Variants in PRKAR1B observed in about 807,000 individuals in gnomAD.
PRKAR1B encodes cAMP-dependent protein kinase type I-beta regulatory subunit.
Under a neutral mutation model 46.5 loss-of-function variants are expected in PRKAR1B, and 22 were observed. The observed-to-expected ratio is 0.47, with a 90% CI of 0.34 to 0.68. PRKAR1B has a LOEUF of 0.68. Ranked by LOEUF, PRKAR1B falls within the 30% of genes least tolerant of loss-of-function variation. The pLI is 0.01. For synonymous variants in PRKAR1B, 259 were observed against 217.7 expected (o/e 1.19, Z -1.67); for missense variants, 445 against 535.6 (o/e 0.83, Z 1.67).
At chr7:557,206 C>G (rs898074042) in intron 9 of PRKAR1B, among the ~76,000 whole-genome samples, 8 of 152,152 alleles carry the variant, frequency 5.3e-5, no homozygotes, top group African/African-American at 1.9e-4. Flanking sequence ...GGGAAAGAGG[C>G]AGGACCCTCA....
chr7:680,422 A>G (rs1311068047), intron 3 of PRKAR1B, 134 bp downstream of exon 3: 5 of 914,354 alleles, frequency 5.5e-6, no homozygotes, highest in African/African-American at 5.2e-5. Context: ...TCACCCACAT[A>G]GTCCTCCCTC....
At chr7:570,878 C>T (rs1406037229) in intron 9 of PRKAR1B, among the ~76,000 whole-genome samples, 3 of 152,148 alleles carry the variant, frequency 2.0e-5, no homozygotes, top group East Asian at 1.9e-4. Context: ...GCAGCCCAAG[C>T]GACACCACTC....
intron 4 of PRKAR1B, among the ~76,000 whole-genome samples, chr7:630,957 T>C (rs1783701463): frequency 6.6e-6 from 1 of 151,658 alleles, no homozygotes; most frequent in Non-Finnish European, 1.5e-5. Context: ...CGGATTTTTT[T>C]TTTTTTTTTT....
chr7:648,481 C>A (rs554689068), intron 4 of PRKAR1B, among the ~76,000 whole-genome samples: 1 of 152,036 alleles, frequency 6.6e-6, no homozygotes, highest in African/African-American at 2.4e-5. Context: ...CATGGTGGTG[C>A]GTGCCCGTAA....
At chr7:696,477 G>A (rs1779747023) in intron 2 of PRKAR1B, among the ~76,000 whole-genome samples, 1 of 151,842 alleles carries the variant, frequency 6.6e-6, no homozygotes, top group Non-Finnish European at 1.5e-5. Context: ...TCACCATGTT[G>A]GCAAGGCTGA....
At chr7:727,292 C>T, upstream of PRKAR1B, 2 of 1,304,742 alleles carry the variant, frequency 1.5e-6, no homozygotes, top group Non-Finnish European at 1.9e-6. Context: ...AGCTGCGCCG[C>T]CGCCCTGGCG....
At chr7:609,605 GCATC>G (rs751052363) in intron 4 of PRKAR1B, among the ~76,000 whole-genome samples, 5 of 152,226 alleles carry the variant, frequency 3.3e-5, no homozygotes, top group Non-Finnish European at 5.9e-5. Flanking sequence ...AGTGGTGTCT[GCATC>G]ATTTGCATAT....
intron 4 of PRKAR1B, among the ~76,000 whole-genome samples, chr7:651,996 A>AAC: frequency 2.0e-5 from 1 of 49,402 alleles, no homozygotes; most frequent in African/African-American, 1.0e-4. Flanking sequence ...ACCCACACGG[A>AAC]GCTAGGAACC....
intron 4 of PRKAR1B, among the ~76,000 whole-genome samples, chr7:632,401 C>A (rs1380472404): frequency 6.6e-6 from 1 of 152,178 alleles, no homozygotes; most frequent in Non-Finnish European, 1.5e-5. Flanking sequence ...TCCACTGCCC[C>A]CCAACACAGC....
chr7:685,376 A>ACG (rs1779029526), intron 2 of PRKAR1B, among the ~76,000 whole-genome samples: 1 of 19,988 alleles, frequency 5.0e-5, no homozygotes, highest in African/African-American at 2.4e-4. Context: ...ACATATATAT[A>ACG]TATACATACA....
chr7:550,577 C>A lies in PRKAR1B; in HGVS notation c.999G>T (p.Arg333=). The A allele has an allele frequency of 6.3e-7, 1 of 1,591,450 alleles. No individual in the cohort carries two copies. Among genetic ancestry groups the A allele is most frequent in the Non-Finnish European group, 8.5e-7 (1 of 1,170,952 alleles). ...YFGEIALLLN[R]PRAATVVARG... The stretch of plus-strand genomic sequence containing the variant: ...GGGCCACGACAGTGGCCGCCCGGGG[C>A]CGGTTCAGCAGCAGTGCAATCTCCC... The change falls in exon 11 of 11, where the codon CGG becomes CGT. Residue 333 remains arginine, a synonymous_variant. Transcript: ENST00000537384.
intron 1 of PRKAR1B, chr7:726,463 C>T (rs941894378): frequency 3.7e-5 from 13 of 350,232 alleles, no homozygotes; most frequent in Non-Finnish European, 6.2e-5. Flanking sequence ...ACCCGCATCC[C>T]GGGCGAGCTG....
chr7:633,700 C>T (rs1278102840), intron 4 of PRKAR1B, among the ~76,000 whole-genome samples: 3 of 152,104 alleles, frequency 2.0e-5, no homozygotes, highest in African/African-American at 2.4e-5. Context: ...AATGCTGGGA[C>T]GCAGGTTGGG....
At chr7:686,457 G>C (rs1202228709) in intron 2 of PRKAR1B, among the ~76,000 whole-genome samples, 2 of 152,098 alleles carry the variant, frequency 1.3e-5, no homozygotes. Flanking sequence ...AGAAGGTGGG[G>C]TCATCTGGCA....
intron 4 of PRKAR1B, among the ~76,000 whole-genome samples, chr7:672,135 T>G (rs1488689570): frequency 6.6e-6 from 1 of 151,916 alleles, no homozygotes; most frequent in African/African-American, 2.4e-5. Flanking sequence ...TTTGTCGTCT[T>G]AAATTCTGTG....
chr7:599,236 G>A (rs138788200), intron 6 of PRKAR1B, among the ~76,000 whole-genome samples: 2,296 of 152,262 alleles, frequency 0.015, 33 homozygotes, highest in East Asian at 0.032. Flanking sequence ...GGCGCAGTGC[G>A]GGCCCCACCC....
At chr7:655,260 G>T (rs771002600) in intron 4 of PRKAR1B, among the ~76,000 whole-genome samples, 8 of 152,148 alleles carry the variant, frequency 5.3e-5, no homozygotes, top group Non-Finnish European at 1.0e-4. Context: ...TACAAGATCT[G>T]GCGCCTCTTC....
At chr7:582,016 G>C (rs953631703) in intron 8 of PRKAR1B, among the ~76,000 whole-genome samples, 1 of 152,264 alleles carries the variant, frequency 6.6e-6, no homozygotes, top group South Asian at 2.1e-4. Flanking sequence ...ATCATGTCCA[G>C]CTAATTTTTT....
intron 4 of PRKAR1B, among the ~76,000 whole-genome samples, chr7:612,048 C>CGGAT (rs553779459): frequency 0.018 from 2,369 of 130,528 alleles, 47 homozygotes; most frequent in Non-Finnish European, 0.024. Flanking sequence ...AGTAGAATAA[C>CGGAT]GGATGGATGG....
Sources: allele counts gnomAD v4.1 joint callset (sites outside exome capture counted in the v4.1 genomes callset), GRCh38; gene constraint gnomAD v4.1.1; transcripts MANE v1.5; gene names NCBI Gene and HGNC (gene_info 2026-07-23, HGNC 2026-07-21).